MAML1: variants seen among roughly 807,000 people sequenced by gnomAD.
MAML1 encodes the protein mastermind like transcriptional coactivator 1, also known as mastermind-like protein 1.
A neutral mutation model predicts 77.1 loss-of-function variants in MAML1; 14 were observed. That is an observed-to-expected ratio of 0.18 (90% CI 0.12 to 0.28). MAML1 has a LOEUF of 0.28. Ranked by LOEUF, MAML1 falls within the 10% of genes least tolerant of loss-of-function variation. MAML1 has a pLI of 1.00. For synonymous variants in MAML1, 516 were observed against 551.9 expected (o/e 0.93, Z 0.91); for missense variants, 1,217 against 1,327.8 (o/e 0.92, Z 1.30).
intron 1 of MAML1, among the ~76,000 whole-genome samples, chr5:179,756,955 C>T (rs1779633440): frequency 6.6e-6 from 1 of 151,886 alleles, no homozygotes; most frequent in Non-Finnish European, 1.5e-5. Context: ...TACAGTAAAC[C>T]CAGCTGGGAT....
At chr5:179,747,316 A>C (rs573634581) in intron 1 of MAML1, among the ~76,000 whole-genome samples, 7 of 152,310 alleles carry the variant, frequency 4.6e-5, no homozygotes, top group African/African-American at 1.4e-4. Context: ...CTGAAGTGAG[A>C]GTCAGAAGCT....
At position 179,775,970 on chromosome 5, in the gene MAML1, C is replaced by T. The variant is rs1408403940; in HGVS notation, c.*1093C>T. The T allele has an allele frequency of 1.0e-6, 1 of 985,646 alleles. No individual in the cohort carries two copies. Among genetic ancestry groups the T allele is most frequent in the East Asian group, 1.1e-4 (1 of 8,822 alleles). The allele number at this position is 985,646 out of a possible 1,614,324, so 61.1% of individuals were successfully genotyped here. ...GAGGAAGCAATTCCACTTGGTTTGACAACTTCTGCCACTCCCATGTCAGAT... is the reference window on the plus strand; with the variant it reads ...GAGGAAGCAATTCCACTTGGTTTGATAACTTCTGCCACTCCCATGTCAGAT... On this transcript the variant is annotated 3_prime_UTR_variant, in exon 5 of 5. Coordinates refer to ENST00000292599, the MANE Select transcript of MAML1 (RefSeq NM_014757.5).
In MAML1 at chr5:179,773,898, C is replaced by A. The variant is rs1251915114; in HGVS notation, c.2072C>A (p.Ser691Tyr). The A allele has an allele frequency of 6.2e-7, 1 of 1,612,152 alleles. No individual in the cohort carries two copies. Among genetic ancestry groups the A allele is most frequent in the African/African-American group, 1.3e-5 (1 of 74,912 alleles). Residue 691 changes from serine to tyrosine, a missense_variant, in exon 5 of 5, where the codon TCC becomes TAC. Transcript: ENST00000292599. The stretch of plus-strand genomic sequence containing the variant: ...CAGACTCTTCTCTGTCTTGTAGGGT[C>A]CTCTGCTGCCGTGCCCGGCATGAAC... ...FPQQVGQFTG[S>Y]SAAVPGMNTL...
At position 179,775,820 on chromosome 5, in the gene MAML1, C is replaced by G. The variant is rs571803640; in HGVS notation, c.*943C>G. 1.0e-6 allele frequency: 1 copy of G among 985,428 alleles called. No individual in the cohort carries two copies. The highest frequency in any genetic ancestry group is 4.7e-5 in the South Asian group (1 of 21,294). 61.0% of individuals were successfully genotyped at this position (985,428 alleles called of 1,614,324 possible). ...ACCGTTGGCCTTTCTGTCTGCCTCT[C>G]CTTCCTCTCTGCAGCCCAAATGGAA... is the stretch of plus-strand genomic sequence containing the variant. On this transcript the variant is annotated 3_prime_UTR_variant, in exon 5 of 5. Transcript: ENST00000292599.
intron 1 of MAML1, among the ~76,000 whole-genome samples, chr5:179,740,093 T>A (rs922208844): frequency 1.3e-5 from 2 of 152,188 alleles, no homozygotes; most frequent in African/African-American, 4.8e-5. Context: ...TGAGAGGCTG[T>A]CAGTCAGCTG....
At chr5:179,773,839 C>T in intron 4 of MAML1, 56 bp from the exon 5 acceptor site, 1 of 1,553,002 alleles carries the variant, frequency 6.4e-7, no homozygotes, top group Non-Finnish European at 8.7e-7. Context: ...GCTCGAGTCT[C>T]AGAGGGACCC....
At chr5:179,772,731 G>C (rs1278551527) in intron 4 of MAML1, among the ~76,000 whole-genome samples, 1 of 152,122 alleles carries the variant, frequency 6.6e-6, no homozygotes, top group Non-Finnish European at 1.5e-5. Context: ...TGTGCCATAA[G>C]ATGGTATATT....
At chr5:179,759,987 G>A (rs751958100) in intron 1 of MAML1, among the ~76,000 whole-genome samples, 2 of 152,178 alleles carry the variant, frequency 1.3e-5, no homozygotes, top group South Asian at 4.1e-4. Context: ...GCTGGTTTCT[G>A]GTTTATGTGA....
chr5:179,749,335 A>G (rs1222013559), intron 1 of MAML1, among the ~76,000 whole-genome samples: 1 of 152,214 alleles, frequency 6.6e-6, no homozygotes, highest in Non-Finnish European at 1.5e-5. Context: ...CACGTTGGTC[A>G]GGCTGGTCTT....
At chr5:179,744,902 A>ATT (rs955746486) in intron 1 of MAML1, among the ~76,000 whole-genome samples, 1 of 145,974 alleles carries the variant, frequency 6.9e-6, no homozygotes. Flanking sequence ...TGCATTATAA[A>ATT]TTTTTTTTTT....
At chr5:179,750,984 C>A (rs952427196) in intron 1 of MAML1, among the ~76,000 whole-genome samples, 1 of 151,924 alleles carries the variant, frequency 6.6e-6, no homozygotes, top group Non-Finnish European at 1.5e-5. Context: ...TTCAAGGCTA[C>A]TTTTTTTTAA....
intron 1 of MAML1, among the ~76,000 whole-genome samples, chr5:179,747,789 C>T (rs549336560): frequency 1.8e-4 from 19 of 102,784 alleles, no homozygotes; most frequent in African/African-American, 6.5e-4. Context: ...CCAGCCTGGG[C>T]GACAGCGAGA....
chr5:179,773,871 G>A (rs1293641710), intron 4 of MAML1, 24 bp from the exon 5 acceptor site: 1 of 1,593,930 alleles, frequency 6.3e-7, no homozygotes, highest in African/African-American at 1.3e-5. Context: ...ACTCCTGACT[G>A]CCAGACTCTT....
chr5:179,774,856 C>A lies in MAML1; in HGVS notation c.3030C>A (p.Asp1010Glu). Reference sequence around the variant, plus strand: ...CAGAGGAGTGGATGAGTGATTTGGACGACCTGTTAGGGTCTCAGTAATGGA... The same window carrying A: ...CAGAGGAGTGGATGAGTGATTTGGAAGACCTGTTAGGGTCTCAGTAATGGA... ...RTSEEWMSDL[D>E]DLLGSQ The change falls in exon 5 of 5, where the codon GAC (aspartate) becomes GAA (glutamate). Residue 1010 changes from aspartate (D) to glutamate (E), a missense_variant. By Grantham distance (45) the Asp-to-Glu change is conservative. Around this residue, in one of 3 missense-constraint regions of MAML1, gnomAD observed 884 missense variants for 949.3 expected, o/e 0.93. Coordinates refer to ENST00000292599, the MANE Select transcript of MAML1 (RefSeq NM_014757.5). 1 of 1,610,120 alleles carries A rather than the reference C, an allele frequency of 6.2e-7. No individual in the cohort carries two copies. Among genetic ancestry groups the A allele is most frequent in the Non-Finnish European group, 8.5e-7 (1 of 1,177,024 alleles).
chr5:179,753,839 A>T (rs1186173039), intron 1 of MAML1, among the ~76,000 whole-genome samples: 2 of 151,396 alleles, frequency 1.3e-5, no homozygotes, highest in African/African-American at 4.8e-5. Flanking sequence ...TGCCTGGCTA[A>T]TTTTTTATTT....
chr5:179,759,755 C>T (rs79845685), intron 1 of MAML1, among the ~76,000 whole-genome samples: 2,076 of 152,310 alleles, frequency 0.014, 39 homozygotes, highest in African/African-American at 0.044. Flanking sequence ...CCTACCCTCA[C>T]GTGGAGTCCC....
In MAML1 at chr5:179,766,246, C is replaced by T. The variant is rs193060563; in HGVS notation, c.1236C>T (p.Leu412=). The part of the protein sequence containing the change: ...IAAKQKREQM[L]QNPQQATPAP... The stretch of plus-strand genomic sequence containing the variant: ...CCAAGCAGAAGCGCGAGCAGATGCT[C>T]CAGAACCCACAGCAGGCCACCCCGG... The change falls in exon 2 of 5, where the codon CTC becomes CTT. Residue 412 remains leucine, a synonymous_variant. Transcript: ENST00000292599. The surrounding 1 kb of genome is among the most constrained non-coding windows in gnomAD (Gnocchi z 4.0). 1 of 1,613,666 alleles carries T rather than the reference C, an allele frequency of 6.2e-7. No homozygotes were observed. The highest frequency in any genetic ancestry group is 8.5e-7 in the Non-Finnish European group (1 of 1,179,932).
chr5:179,754,358 G>A (rs1321704882), intron 1 of MAML1, among the ~76,000 whole-genome samples: 1 of 152,164 alleles, frequency 6.6e-6, no homozygotes, highest in Non-Finnish European at 1.5e-5. Flanking sequence ...CTTTTGGTAG[G>A]CCAAGTCAGG....
rs376957319 is a variant in MAML1 at position 179,741,514 on chromosome 5, G to A, written c.315+8087G>A. Among the ~76,000 whole-genome samples, 31 of 151,980 alleles carry A rather than the reference G, an allele frequency of 2.0e-4. No individual in the cohort carries two copies. The South Asian group carries it at 2.3e-3, about 11-fold the overall frequency. On this transcript the variant is annotated intron_variant, in intron 1 of 4. Transcript: ENST00000292599. ...AGCCTGGCCAAAATGGTGAAACCCC[G>A]TCTCTGGTAAAAAATACAAAAATTA...
Sources: allele counts gnomAD v4.1 joint callset (sites outside exome capture counted in the v4.1 genomes callset), GRCh38; gene constraint gnomAD v4.1.1; regional missense constraint gnomAD v4.1.1; non-coding constraint Gnocchi (gnomAD v3.1); transcripts MANE v1.5; gene names NCBI Gene and HGNC (gene_info 2026-07-23, HGNC 2026-07-21).